Variants in GMDS observed in about 807,000 individuals in gnomAD.
GMDS encodes GDP-mannose 4,6-dehydratase.
A neutral mutation model predicts 49.9 loss-of-function variants in GMDS; 20 were observed. The observed-to-expected ratio is 0.40, with a 90% CI of 0.28 to 0.58. The LOEUF (loss-of-function observed/expected upper bound fraction) is 0.58, where lower values mean the gene tolerates loss of function less well. Ranked by LOEUF, GMDS falls within the 20% of genes least tolerant of loss-of-function variation. The probability of loss-of-function intolerance (pLI) is 0.42; values close to 1 mark genes in which losing one functional copy is unlikely to be tolerated. For synonymous variants in GMDS, 177 were observed against 178.6 expected (o/e 0.99, Z 0.07); for missense variants, 362 against 481.4 (o/e 0.75, Z 2.32).
chr6:2,023,255 A>C (rs1303199461), intron 4 of GMDS, among the ~76,000 whole-genome samples: 2 of 152,248 alleles, frequency 1.3e-5, no homozygotes, highest in Non-Finnish European at 2.9e-5. Context: ...GTTTGACTTC[A>C]GAATAAAGCT....
rs141681964 is a variant in GMDS, at chr6:1,701,060, C to T, written c.987+25356G>A. Reference sequence around the variant, plus strand: ...GGTTCAGGAATCTTTAGGTAATTAACTGTAGAATGACTAGATACCCGCCTC... The same window carrying T: ...GGTTCAGGAATCTTTAGGTAATTAATTGTAGAATGACTAGATACCCGCCTC... On this transcript the variant is annotated intron_variant, in intron 9 of 10. Coordinates refer to ENST00000380815, the MANE Select transcript of GMDS (RefSeq NM_001500.4). Among the ~76,000 whole-genome samples, 26 of 152,302 alleles carry T rather than the reference C, an allele frequency of 1.7e-4. No individual in the cohort carries two copies. In the East Asian group the frequency reaches 5.0e-3, roughly 29 times the overall value.
At chr6:1,876,951 G>T (rs1759098869) in intron 7 of GMDS, among the ~76,000 whole-genome samples, 1 of 152,212 alleles carries the variant, frequency 6.6e-6, no homozygotes, top group African/African-American at 2.4e-5. Context: ...ACACCAGTGT[G>T]ATCTGACATC....
chr6:1,940,355 A>G (rs1762766294), intron 6 of GMDS, among the ~76,000 whole-genome samples: 1 of 152,256 alleles, frequency 6.6e-6, no homozygotes, highest in African/African-American at 2.4e-5. Flanking sequence ...TTTGGACAAT[A>G]TTCATTGGAA....
chr6:1,930,540 T>C (rs939839398), intron 6 of GMDS: 12 of 228,086 alleles, frequency 5.3e-5, no homozygotes, highest in Admixed American at 2.3e-4. Flanking sequence ...AGAAAAGCTG[T>C]TGGAATGCCA....
At chr6:1,756,282 A>AGAT (rs1767941439) in intron 7 of GMDS, among the ~76,000 whole-genome samples, 3 of 125,336 alleles carry the variant, frequency 2.4e-5, no homozygotes, top group African/African-American at 9.9e-5. Context: ...TTTTTTTTTG[A>AGAT]GATGGAGTTT....
chr6:1,858,791 T>A (rs750887825), intron 7 of GMDS, among the ~76,000 whole-genome samples: 1 of 152,220 alleles, frequency 6.6e-6, no homozygotes, highest in Non-Finnish European at 1.5e-5. Flanking sequence ...CATTTGCTGA[T>A]CTTATGAGAA....
chr6:2,220,386 C>T (rs1298056520), intron 1 of GMDS, among the ~76,000 whole-genome samples: 4 of 152,174 alleles, frequency 2.6e-5, no homozygotes, highest in Non-Finnish European at 5.9e-5. Context: ...CTCTGTGCTG[C>T]TTGGTTACCC....
intron 4 of GMDS, among the ~76,000 whole-genome samples, chr6:2,063,958 T>C (rs1170798383): frequency 6.6e-6 from 1 of 152,210 alleles, no homozygotes; most frequent in East Asian, 1.9e-4. Context: ...TAGTCATGAA[T>C]TAACAGATGT....
chr6:2,185,021 C>A (rs768701692), intron 1 of GMDS, among the ~76,000 whole-genome samples: 5 of 152,220 alleles, frequency 3.3e-5, no homozygotes, highest in African/African-American at 4.8e-5. Flanking sequence ...AAGATCCCTG[C>A]ACTCACAGGG....
At chr6:2,119,349 C>T (rs968756300) in intron 2 of GMDS, among the ~76,000 whole-genome samples, 5 of 152,154 alleles carry the variant, frequency 3.3e-5, no homozygotes, top group Non-Finnish European at 5.9e-5. Flanking sequence ...CAAGACTTTA[C>T]TGTCACATTA....
intron 6 of GMDS, among the ~76,000 whole-genome samples, chr6:1,936,591 A>G (rs774158867): frequency 1.2e-4 from 19 of 152,200 alleles, no homozygotes; most frequent in Non-Finnish European, 8.8e-5. Flanking sequence ...AATAAGCCAC[A>G]TCTACGTCCC....
At chr6:1,661,748 G>A (rs1764081696) in intron 9 of GMDS, among the ~76,000 whole-genome samples, 1 of 152,256 alleles carries the variant, frequency 6.6e-6, no homozygotes, top group African/African-American at 2.4e-5. Flanking sequence ...GCAAGAGCAA[G>A]CTCTAGCAAA....
intron 4 of GMDS, among the ~76,000 whole-genome samples, chr6:2,089,301 A>C (rs1773184632): frequency 6.6e-6 from 1 of 152,168 alleles, no homozygotes; most frequent in African/African-American, 2.4e-5. Context: ...TTACTATTGA[A>C]TTTAGGAAGA....
chr6:1,741,922 T>C (rs898578211), intron 8 of GMDS, among the ~76,000 whole-genome samples: 7 of 105,246 alleles, frequency 6.7e-5, no homozygotes, highest in Non-Finnish European at 1.1e-4. Context: ...AGTAAAAACA[T>C]CTTTCTTTTT....
chr6:2,180,861 A>G lies in GMDS; in HGVS notation c.103-56130T>C, dbSNP rs564904735. On this transcript the variant is annotated intron_variant, in intron 1 of 10. Coordinates refer to ENST00000380815, the MANE Select transcript of GMDS (RefSeq NM_001500.4). ...TTTCCTCTCCAAGTCATTTGTAACA[A>G]AAGTACATAAGACAGATGGATGAAG... Among the ~76,000 whole-genome samples, 21 of 152,282 alleles carry G rather than the reference A, an allele frequency of 1.4e-4. 1 individual carries two copies. The South Asian group carries it at 4.3e-3, about 32-fold the overall frequency.
chr6:2,075,651 T>C (rs1717577749), intron 4 of GMDS, among the ~76,000 whole-genome samples: 1 of 152,224 alleles, frequency 6.6e-6, no homozygotes, highest in South Asian at 2.1e-4. Context: ...TAATCCAGTC[T>C]ATCATTGTTG....
intron 9 of GMDS, among the ~76,000 whole-genome samples, chr6:1,631,585 T>C (rs1230740048): frequency 6.6e-6 from 1 of 152,162 alleles, no homozygotes; most frequent in Non-Finnish European, 1.5e-5. Context: ...TTTTTCTCAA[T>C]GTATACAGTA....
At chr6:2,072,443 T>G (rs953343451) in intron 4 of GMDS, among the ~76,000 whole-genome samples, 1 of 152,200 alleles carries the variant, frequency 6.6e-6, no homozygotes, top group Middle Eastern at 3.2e-3. Flanking sequence ...GGATTATTGC[T>G]CCAAAATATG....
At position 2,066,820 on chromosome 6, in the gene GMDS, C is replaced by T. The variant is rs957315024; in HGVS notation, c.345+48951G>A. Among the ~76,000 whole-genome samples, 108 of 151,932 alleles carry T rather than the reference C, an allele frequency of 7.1e-4. 1 individual carries two copies. The highest frequency in any genetic ancestry group is 2.6e-3 in the African/African-American group (108 of 41,450). On this transcript the variant is annotated intron_variant, in intron 4 of 10. Transcript: ENST00000380815. ...ACTCCCACACATTAATAATGGGAGA[C>T]TTTAACACCCCACTGTCAACATTAG...
Sources: allele counts gnomAD v4.1 joint callset (sites outside exome capture counted in the v4.1 genomes callset), GRCh38; gene constraint gnomAD v4.1.1; transcripts MANE v1.5; gene names NCBI Gene and HGNC (gene_info 2026-07-23, HGNC 2026-07-21).